Variants in SMOC1 observed in about 807,000 individuals in gnomAD.
The protein encoded by SMOC1 is SPARC related modular calcium binding 1.
In SMOC1, 22 loss-of-function variants were observed where a neutral mutation model predicts 56.3. The observed-to-expected ratio is 0.39, with a 90% CI of 0.28 to 0.56. The LOEUF (loss-of-function observed/expected upper bound fraction) is 0.56. Among genes scored for constraint, SMOC1 ranks in the 20% least tolerant of loss-of-function variants. The pLI, the probability that SMOC1 is intolerant of heterozygous loss-of-function variation, is 0.61. For missense variants in SMOC1, 509 were observed against 565.4 expected, an observed-to-expected ratio of 0.90 and a Z score of 1.01; for synonymous variants, 193 against 215.0, an observed-to-expected ratio of 0.90 and a Z score of 0.89.
In SMOC1 at chr14:70,017,803, C is replaced by T. The variant is rs374873283; in HGVS notation, c.1046+4312C>T. Among the ~76,000 whole-genome samples the T allele has an allele frequency of 5.9e-5, 9 of 152,094 alleles. No individual in the cohort carries two copies. In the South Asian group the frequency reaches 6.2e-4, roughly 11 times the overall value. Reference sequence around the variant, plus strand: ...CAACCATATGACTGCAGTATAAAGTCGGTAGGATAATAGAGGCTGAGAAAG... The same window carrying T: ...CAACCATATGACTGCAGTATAAAGTTGGTAGGATAATAGAGGCTGAGAAAG... On this transcript the variant is annotated intron_variant, in intron 10 of 11. Transcript: ENST00000361956.
At chr14:69,982,465 C>G (rs1024908840) in intron 5 of SMOC1, among the ~76,000 whole-genome samples, 2 of 152,308 alleles carry the variant, frequency 1.3e-5, no homozygotes, top group South Asian at 4.1e-4. Context: ...GTCACTCAAG[C>G]AATGGATGGA....
At chr14:69,919,424 A>T (rs1884772786) in intron 1 of SMOC1, among the ~76,000 whole-genome samples, 1 of 152,204 alleles carries the variant, frequency 6.6e-6, no homozygotes, top group South Asian at 2.1e-4. Flanking sequence ...GAACCTTTTC[A>T]CTTCTGTACT....
rs141534310 is a variant in SMOC1 at position 69,924,160 on chromosome 14, G to A, written c.100-27978G>A. On this transcript the variant is annotated intron_variant, in intron 1 of 11. Transcript: ENST00000361956. ...TCCTGTCTCAGCAAATGGCAACTCC[G>A]CATCACCCATGCACTCAGGCCCCAG... Among the ~76,000 whole-genome samples, 605 of 152,226 alleles carry A rather than the reference G, an allele frequency of 4.0e-3. 1 individual carries two copies. The highest frequency in any genetic ancestry group is 8.4e-3 in the African/African-American group (348 of 41,534).
At chr14:69,944,743 G>A (rs955622315) in intron 1 of SMOC1, among the ~76,000 whole-genome samples, 4 of 152,244 alleles carry the variant, frequency 2.6e-5, no homozygotes, top group Middle Eastern at 3.4e-3. Flanking sequence ...GATACTGCCC[G>A]AGTTATGGGT....
chr14:69,898,770 C>G (rs957292040), intron 1 of SMOC1, among the ~76,000 whole-genome samples: 3 of 152,160 alleles, frequency 2.0e-5, no homozygotes, highest in Non-Finnish European at 4.4e-5. Context: ...TCCAACATCT[C>G]AGCCATGTTT....
At chr14:69,977,891 A>G (rs1270188557) in intron 4 of SMOC1, 27 bp from the exon 5 acceptor site, 2 of 1,609,582 alleles carry the variant, frequency 1.2e-6, no homozygotes, top group Non-Finnish European at 1.7e-6. Context: ...CTGAGTGGCT[A>G]TGTTTTTGTT....
In SMOC1 at chr14:70,007,010, C is replaced by T. The variant is rs780359116; in HGVS notation, c.665-3744C>T. 5.3e-5 allele frequency among the ~76,000 whole-genome samples: 8 copies of T among 152,280 alleles called. No homozygotes were observed. The East Asian group carries it at 5.8e-4, about 11-fold the overall frequency. ...AGGGGTCCACACAAGGCCATGATCACGGGGAGGCACAGTTCATTGGGGACT... is the reference window on the plus strand; with the variant it reads ...AGGGGTCCACACAAGGCCATGATCATGGGGAGGCACAGTTCATTGGGGACT... On this transcript the variant is annotated intron_variant, in intron 7 of 11. Transcript: ENST00000361956.
chr14:69,881,633 T>G (rs530911072), intron 1 of SMOC1, among the ~76,000 whole-genome samples: 31 of 152,218 alleles, frequency 2.0e-4, no homozygotes, highest in African/African-American at 7.5e-4. Flanking sequence ...CCTTCTTTCT[T>G]TTTTTCCCTC....
At chr14:69,887,832 TGGG>T (rs1850267770) in intron 1 of SMOC1, among the ~76,000 whole-genome samples, 1 of 152,166 alleles carries the variant, frequency 6.6e-6, no homozygotes, top group African/African-American at 2.4e-5. Flanking sequence ...AGCTGATGCA[TGGG>T]TCAGAAACTT....
At chr14:69,980,524 T>G (rs1884139704) in intron 5 of SMOC1, among the ~76,000 whole-genome samples, 1 of 152,160 alleles carries the variant, frequency 6.6e-6, no homozygotes, top group Admixed American at 6.5e-5. Context: ...AAGAGCAGGT[T>G]CGGGCCACCT....
At chr14:70,027,078 C>T (rs1885954342) in intron 11 of SMOC1, among the ~76,000 whole-genome samples, 1 of 152,120 alleles carries the variant, frequency 6.6e-6, no homozygotes, top group Non-Finnish European at 1.5e-5. Flanking sequence ...CCTGTGTCCC[C>T]ACTCTCCATT....
chr14:69,892,444 C>T (rs148609384), intron 1 of SMOC1, among the ~76,000 whole-genome samples: 200 of 152,284 alleles, frequency 1.3e-3, no homozygotes, highest in Non-Finnish European at 2.4e-3. Flanking sequence ...TGTTGGTAAG[C>T]AAGCTGTATC....
In SMOC1 at chr14:70,023,348, A is replaced by C; in HGVS notation, c.1192A>C (p.Lys398Gln). The change falls in exon 11 of 12, where the codon AAG becomes CAG. Residue 398 changes from lysine (K) to glutamine (Q), a missense_variant. Physicochemically the swap from Lys to Gln is moderately conservative, Grantham distance 53. Transcript: ENST00000361956. Reference protein sequence around the residue: ...KRYVKKKAKPKKCARRFTDYC... With the variant: ...KRYVKKKAKPQKCARRFTDYC... The stretch of plus-strand genomic sequence containing the variant: ...CTACGTGAAGAAGAAAGCCAAGCCC[A>C]AGAAATGTGCCCGGCGTTTCACCGA... The C allele has an allele frequency of 6.2e-7, 1 of 1,614,216 alleles. No individual in the cohort carries two copies. Among genetic ancestry groups the C allele is most frequent in the Non-Finnish European group, 8.5e-7 (1 of 1,180,040 alleles).
intron 7 of SMOC1, among the ~76,000 whole-genome samples, chr14:69,995,246 A>G (rs1884723933): frequency 6.6e-6 from 1 of 152,234 alleles, no homozygotes; most frequent in Non-Finnish European, 1.5e-5. Flanking sequence ...TTGAACCAGC[A>G]GGCAGAATTT....
At chr14:69,922,180 A>C (rs767076066) in intron 1 of SMOC1, among the ~76,000 whole-genome samples, 2 of 152,184 alleles carry the variant, frequency 1.3e-5, no homozygotes, top group Non-Finnish European at 2.9e-5. Context: ...CAACCTCTGG[A>C]GCTTTCTCAT....
chr14:69,993,592 GC>G (rs528631912), intron 6 of SMOC1, among the ~76,000 whole-genome samples: 38 of 152,328 alleles, frequency 2.5e-4, no homozygotes, highest in African/African-American at 8.9e-4. Context: ...CACAAGCTTA[GC>G]TCTGAGGAGG....
At chr14:70,007,206 CTG>C (rs1452366601) in intron 7 of SMOC1, among the ~76,000 whole-genome samples, 12 of 152,356 alleles carry the variant, frequency 7.9e-5, no homozygotes, top group Admixed American at 3.3e-4. Context: ...CTCAACCAGT[CTG>C]TGTTTCTGCA....
At chr14:69,925,633 C>T (rs996338805) in intron 1 of SMOC1, among the ~76,000 whole-genome samples, 1 of 152,136 alleles carries the variant, frequency 6.6e-6, no homozygotes, top group Admixed American at 6.5e-5. Flanking sequence ...CCTGTGTCTC[C>T]GTCTCCGGCA....
chr14:69,891,582 C>T (rs115937819), intron 1 of SMOC1, among the ~76,000 whole-genome samples: 2,109 of 152,142 alleles, frequency 0.014, 45 homozygotes, highest in African/African-American at 0.048. Flanking sequence ...CATCTGCTGG[C>T]GTCTCCCTCC....
Sources: allele counts gnomAD v4.1 joint callset (sites outside exome capture counted in the v4.1 genomes callset), GRCh38; gene constraint gnomAD v4.1.1; transcripts MANE v1.5; gene names NCBI Gene and HGNC (gene_info 2026-07-23, HGNC 2026-07-21).